Variants in IL1RAPL1 observed in about 807,000 individuals in gnomAD.
The protein encoded by IL1RAPL1 is interleukin 1 receptor accessory protein like 1, also known as interleukin-1 receptor accessory protein-like 1.
In IL1RAPL1, 3 loss-of-function variants were observed where a neutral mutation model predicts 48.4. The ratio of observed to expected loss-of-function variants is 0.06; its 90% CI spans 0.03 to 0.16. The LOEUF is 0.16. Among genes scored for constraint, IL1RAPL1 ranks in the 10% least tolerant of loss-of-function variants. The pLI, the probability that IL1RAPL1 is intolerant of heterozygous loss-of-function variation, is 1.00. For missense variants in IL1RAPL1, 349 were observed against 530.6 expected, an observed-to-expected ratio of 0.66 and a Z score of 3.36; for synonymous variants, 185 against 187.7, an observed-to-expected ratio of 0.99 and a Z score of 0.12.
chrX:29,075,623 G>A (rs907676426), intron 2 of IL1RAPL1, among the ~76,000 whole-genome samples: 10 of 111,747 alleles, frequency 8.9e-5, no homozygotes, highest in East Asian at 2.8e-4. Flanking sequence ...CAACCTTAAC[G>A]ATATTGTAAG....
At chrX:29,272,314 C>T (rs2147592575) in intron 2 of IL1RAPL1, among the ~76,000 whole-genome samples, 1 of 111,472 alleles carries the variant, frequency 9.0e-6, no homozygotes, top group South Asian at 3.8e-4. Context: ...GCCTTGTAGT[C>T]AGGCTTTATT....
At chrX:29,077,676 A>G (rs1927710914) in intron 2 of IL1RAPL1, among the ~76,000 whole-genome samples, 1 of 111,351 alleles carries the variant, frequency 9.0e-6, no homozygotes, top group South Asian at 3.8e-4. Flanking sequence ...AAAGAATAAG[A>G]AGCATACCAG....
chrX:29,292,828 T>C (rs1433642711), intron 3 of IL1RAPL1, among the ~76,000 whole-genome samples: 2 of 110,541 alleles, frequency 1.8e-5, no homozygotes, highest in African/African-American at 3.3e-5. Context: ...TAAACCTACA[T>C]AAGCCAGTCC....
At chrX:28,764,462 G>A (rs1936212346) in intron 1 of IL1RAPL1, among the ~76,000 whole-genome samples, 1 of 111,520 alleles carries the variant, frequency 9.0e-6, no homozygotes, top group Non-Finnish European at 1.9e-5. Flanking sequence ...TGGCACTTTG[G>A]GAGGCTGAGG....
chrX:29,053,963 C>T (rs1927154797), intron 2 of IL1RAPL1, among the ~76,000 whole-genome samples: 2 of 111,746 alleles, frequency 1.8e-5, no homozygotes, highest in Admixed American at 1.9e-4. Context: ...TAGATTCATC[C>T]ATGTTGTTGC....
chrX:29,842,572 G>T (rs5928512), intron 6 of IL1RAPL1, among the ~76,000 whole-genome samples: 3,467 of 112,337 alleles, frequency 0.031, 117 homozygotes, highest in African/African-American at 0.11. Context: ...GATTAAAATG[G>T]CAATTGTGTT....
intron 5 of IL1RAPL1, among the ~76,000 whole-genome samples, chrX:29,414,177 A>G (rs1017564563): frequency 2.7e-5 from 3 of 111,307 alleles, no homozygotes; most frequent in Non-Finnish European, 5.7e-5. Context: ...AGAGATTATT[A>G]AAGGTTGGGG....
chrX:29,591,423 A>G (rs1172312002), intron 5 of IL1RAPL1, among the ~76,000 whole-genome samples: 1 of 112,546 alleles, frequency 8.9e-6, no homozygotes, highest in African/African-American at 3.2e-5. Context: ...CATTCTCAGG[A>G]CACTTCTGTG....
intron 5 of IL1RAPL1, among the ~76,000 whole-genome samples, chrX:29,569,437 G>A (rs1039395823): frequency 3.6e-5 from 4 of 110,499 alleles, no homozygotes; most frequent in African/African-American, 9.8e-5. Context: ...GTTTATTTTC[G>A]GGTTAAGAAT....
At chrX:28,728,389 A>G (rs1372297025) in intron 1 of IL1RAPL1, among the ~76,000 whole-genome samples, 1 of 111,983 alleles carries the variant, frequency 8.9e-6, no homozygotes, top group African/African-American at 3.2e-5. Flanking sequence ...TCAGCAAGAG[A>G]GAAGAATTTA....
At chrX:28,805,088 T>C (rs754348375) in intron 2 of IL1RAPL1, among the ~76,000 whole-genome samples, 1 of 110,374 alleles carries the variant, frequency 9.1e-6, no homozygotes, top group Non-Finnish European at 1.9e-5. Flanking sequence ...ACCAGATAGA[T>C]TGGAAAGAGC....
At chrX:29,216,821 T>C (rs1930878109) in intron 2 of IL1RAPL1, among the ~76,000 whole-genome samples, 1 of 111,612 alleles carries the variant, frequency 9.0e-6, no homozygotes, top group South Asian at 3.7e-4. Flanking sequence ...ATTCACAATA[T>C]AGCAAATAGC....
chrX:29,522,899 T>G (rs1360371072), intron 5 of IL1RAPL1, among the ~76,000 whole-genome samples: 5 of 111,493 alleles, frequency 4.5e-5, no homozygotes, highest in Non-Finnish European at 3.8e-5. Flanking sequence ...GTTCTCTCTC[T>G]CTCTCATCTG....
At chrX:29,815,537 T>C (rs1311604931) in intron 6 of IL1RAPL1, among the ~76,000 whole-genome samples, 8 of 111,578 alleles carry the variant, frequency 7.2e-5, no homozygotes, top group Non-Finnish European at 1.5e-4. Flanking sequence ...AGAGATAATG[T>C]GACTTCTTGT....
chrX:29,323,934 C>T (rs1932827358), intron 3 of IL1RAPL1, among the ~76,000 whole-genome samples: 1 of 102,803 alleles, frequency 9.7e-6, no homozygotes, highest in Admixed American at 1.1e-4. Flanking sequence ...TGTTCCATCC[C>T]CTTTCAGCCC....
chrX:29,721,270 C>G (rs1439836429), intron 6 of IL1RAPL1, among the ~76,000 whole-genome samples: 1 of 111,606 alleles, frequency 9.0e-6, no homozygotes, highest in Admixed American at 9.5e-5. Flanking sequence ...ATAATATGAG[C>G]TATTCCTATA....
At chrX:28,919,814 A>G (rs755339047) in intron 2 of IL1RAPL1, among the ~76,000 whole-genome samples, 1 of 112,566 alleles carries the variant, frequency 8.9e-6, no homozygotes, top group East Asian at 2.8e-4. Context: ...TATAAAGTAT[A>G]AAATCCATGT....
chrX:29,941,728 A>G lies in IL1RAPL1; in HGVS notation c.1135A>G (p.Lys379Glu). The change falls in exon 9 of 11, where the codon AAG (lysine) becomes GAG (glutamate). Residue 379 changes from lysine to glutamate, a missense_variant. Around this residue, in one of 3 missense-constraint regions of IL1RAPL1, gnomAD observed 238 missense variants for 337.8 expected, o/e 0.70. Coordinates refer to ENST00000378993, the MANE Select transcript of IL1RAPL1 (RefSeq NM_014271.4). ...GCTTGTATGTTTGGTGACCATCTAC[A>G]AGTGTTACAAGATAGAAATCATGCT... ...LLLVCLVTIYKCYKIEIMLFY... is the reference protein window; with the variant it reads ...LLLVCLVTIYECYKIEIMLFY... 1 of 1,208,306 alleles carries G rather than the reference A, an allele frequency of 8.3e-7. No homozygotes were observed. Among genetic ancestry groups the G allele is most frequent in the Non-Finnish European group, 1.1e-6 (1 of 892,403 alleles).
chrX:29,300,563 C>T (rs1480881519), intron 3 of IL1RAPL1, among the ~76,000 whole-genome samples: 1 of 111,989 alleles, frequency 8.9e-6, no homozygotes, highest in Non-Finnish European at 1.9e-5. Context: ...GATTCCTCTG[C>T]TGTGATCTTC....
Sources: gnomAD v4.1 joint callset for allele counts (sites outside exome capture counted in the v4.1 genomes callset) on GRCh38, gnomAD v4.1.1 for gene constraint, gnomAD v4.1.1 regional missense constraint, MANE v1.5 for transcripts, NCBI Gene and HGNC (gene_info 2026-07-23, HGNC 2026-07-21) for gene names.